The following IL21R variants were observed in gnomAD, a reference collection of about 807,000 sequenced individuals.
IL21R encodes the protein interleukin-21 receptor.
Under a neutral mutation model 41.3 loss-of-function variants are expected in IL21R, and 14 were observed. The ratio of observed to expected loss-of-function variants is 0.34; its 90% CI spans 0.22 to 0.53. IL21R has a LOEUF of 0.53. Among genes scored for constraint, IL21R ranks in the 20% least tolerant of loss-of-function variants. The pLI is 0.94. For synonymous variants in IL21R, 286 were observed against 287.6 expected (o/e 0.99, Z 0.05); for missense variants, 588 against 681.6 (o/e 0.86, Z 1.53).
chr16:27,436,073 G>T (rs1291425599), intron 3 of IL21R, among the ~76,000 whole-genome samples: 1 of 152,186 alleles, frequency 6.6e-6, no homozygotes, highest in African/African-American at 2.4e-5. Flanking sequence ...TGAAAAGTCA[G>T]GAGCCCGCAG....
chr16:27,420,820 AATAG>A lies in IL21R; in HGVS notation c.-16-9233_-16-9230del, dbSNP rs2086988273. Among the ~76,000 whole-genome samples the A allele has an allele frequency of 9.2e-5, 14 of 152,296 alleles. No individual in the cohort carries two copies. The South Asian group carries it at 2.9e-3, about 32-fold the overall frequency. On this transcript the variant is annotated intron_variant, in intron 1 of 8. Coordinates refer to ENST00000337929, the MANE Select transcript of IL21R (RefSeq NM_181078.3). The stretch of plus-strand genomic sequence containing the variant: ...AACATTTTAAATTTTGATACAGTTT[AATAG>A]ATCTATTTTTTCTTTGTTTACTTAT...
At chr16:27,438,317 T>C (rs918699383) in intron 4 of IL21R, among the ~76,000 whole-genome samples, 1 of 152,030 alleles carries the variant, frequency 6.6e-6, no homozygotes, top group African/African-American at 2.4e-5. Flanking sequence ...TTGGGTTTTT[T>C]CCCCTTCATA....
At position 27,444,612 on chromosome 16, in the gene IL21R, A is replaced by G. The variant is rs1286440819; in HGVS notation, c.578A>G (p.Asp193Gly). ...CTCCTCCCCCTGGAGTTCCGCAAAG[A>G]CTCGAGCTATGAGCTGCAGGTGCGG... ...VSLLPLEFRK[D>G]SSYELQVRAG... The change falls in exon 6 of 9, where the codon GAC becomes GGC. Residue 193 changes from aspartate to glycine, a missense_variant. Transcript: ENST00000337929. 2.3e-5 allele frequency: 36 copies of G among 1,585,800 alleles called. No individual in the cohort carries two copies. Among genetic ancestry groups the G allele is most frequent in the Non-Finnish European group, 3.1e-5 (36 of 1,166,280 alleles).
Position 27,450,529 on chromosome 16 carries a change from T to C in IL21R, c.*1246T>C, listed in dbSNP as rs893076000. 6 of 227,404 alleles carry C rather than the reference T, an allele frequency of 2.6e-5. No individual in the cohort carries two copies. The highest frequency in any genetic ancestry group is 1.1e-4 in the African/African-American group (5 of 45,022). The allele number at this position is 227,404 out of a possible 1,614,324, so 14.1% of individuals were successfully genotyped here. On this transcript the variant is annotated 3_prime_UTR_variant, in exon 9 of 9. Coordinates refer to ENST00000337929, the MANE Select transcript of IL21R (RefSeq NM_181078.3). Reference sequence around the variant, plus strand: ...GTCAATGATTTGTCAGAGAACCTGTTGAAATGTGAATTAAGAAGCTAAGAA... The same window carrying C: ...GTCAATGATTTGTCAGAGAACCTGTCGAAATGTGAATTAAGAAGCTAAGAA...
rs113148369 is a variant in IL21R, at chr16:27,448,698, C to T, written c.1032C>T (p.Asp344=). Residue 344 remains aspartate (D), a synonymous_variant, in exon 9 of 9, where the codon GAC becomes GAT. Transcript: ENST00000337929. Reference sequence around the variant, plus strand: ...AACCAGCAGAGCTGGTGGAGTCTGACGGTGTGCCCAAGCCCAGCTTCTGGC... The same window carrying T: ...AACCAGCAGAGCTGGTGGAGTCTGATGGTGTGCCCAAGCCCAGCTTCTGGC... ...LQEPAELVES[D]GVPKPSFWPT... 567 of 1,613,252 alleles carry T rather than the reference C, an allele frequency of 3.5e-4. 2 individuals carry two copies. The African/African-American group carries it at 5.5e-3, about 16-fold the overall frequency.
At chr16:27,411,903 G>A (rs2086829959) in intron 1 of IL21R, among the ~76,000 whole-genome samples, 1 of 152,122 alleles carries the variant, frequency 6.6e-6, no homozygotes, top group South Asian at 2.1e-4. Context: ...TGATTCCGTT[G>A]ATTATTTCCT....
chr16:27,410,286 C>T (rs1257394144), intron 1 of IL21R, among the ~76,000 whole-genome samples: 3 of 151,088 alleles, frequency 2.0e-5, no homozygotes, highest in East Asian at 1.9e-4. Context: ...TGAGCAGAGA[C>T]TGTGCCTCTA....
chr16:27,432,468 C>T (rs2087191413), intron 2 of IL21R, among the ~76,000 whole-genome samples: 1 of 152,206 alleles, frequency 6.6e-6, no homozygotes, highest in South Asian at 2.1e-4. Context: ...TTCCCACCCT[C>T]TCATCCCTGG....
intron 2 of IL21R, among the ~76,000 whole-genome samples, chr16:27,430,812 C>G (rs2087157650): frequency 6.6e-6 from 1 of 152,122 alleles, no homozygotes; most frequent in Non-Finnish European, 1.5e-5. Flanking sequence ...GACCCTGTCT[C>G]AAAACAACAG....
In IL21R at chr16:27,434,397, A is replaced by C; in HGVS notation, c.100A>C (p.Ile34Leu). Residue 34 changes from isoleucine (I) to leucine (L), a missense_variant, in exon 3 of 9, where the codon ATC (isoleucine) becomes CTC (leucine). Physicochemically the swap from Ile to Leu is conservative, Grantham distance 5. Coordinates refer to ENST00000337929, the MANE Select transcript of IL21R (RefSeq NM_181078.3). ...CTACACCGATTACCTCCAGACGGTCATCTGCATCCTGGAAATGTGGAACCT... is the reference window on the plus strand; with the variant it reads ...CTACACCGATTACCTCCAGACGGTCCTCTGCATCCTGGAAATGTGGAACCT... ...VCYTDYLQTV[I>L]CILEMWNLHP... 6.2e-7 allele frequency: 1 copy of C among 1,614,094 alleles called. No individual in the cohort carries two copies. Among genetic ancestry groups the C allele is most frequent in the Non-Finnish European group, 8.5e-7 (1 of 1,179,982 alleles).
At position 27,434,331 on chromosome 16, in the gene IL21R, C is replaced by T. The variant is rs369236227; in HGVS notation, c.50-16C>T. On this transcript the variant is annotated splice_polypyrimidine_tract_variant and intron_variant, in intron 2 of 8. Coordinates refer to ENST00000337929, the MANE Select transcript of IL21R (RefSeq NM_181078.3). ...GCCACCCCCCACCAAGGCCTCTCTC[C>T]CCACTGACCCTCCAGGCTGGGGCTG... is the stretch of plus-strand genomic sequence containing the variant. 86 of 1,571,292 alleles carry T rather than the reference C, an allele frequency of 5.5e-5. No individual in the cohort carries two copies. In the Middle Eastern group the frequency reaches 1.0e-3, roughly 18 times the overall value.
At chr16:27,417,163 C>CTTTTTTTTTTTTTTTTTT (rs577149386) in intron 1 of IL21R, among the ~76,000 whole-genome samples, 1 of 126,622 alleles carries the variant, frequency 7.9e-6, no homozygotes, top group Non-Finnish European at 1.6e-5. Flanking sequence ...TTTTTCTTTT[C>CTTTTTTTTTTTTTTTTTT]TTTTTTTTTT....
intron 1 of IL21R, among the ~76,000 whole-genome samples, chr16:27,426,236 C>T (rs529557055): frequency 2.0e-5 from 3 of 152,204 alleles, no homozygotes; most frequent in Non-Finnish European, 4.4e-5. Context: ...CCAGCCAGCT[C>T]CATAGTCTGT....
intron 1 of IL21R, among the ~76,000 whole-genome samples, chr16:27,416,192 C>T (rs2141265894): frequency 6.6e-6 from 1 of 152,246 alleles, no homozygotes. Flanking sequence ...CTTTCTCACC[C>T]AGGCTGGAGT....
chr16:27,442,242 A>G (rs2087400737), intron 4 of IL21R, among the ~76,000 whole-genome samples: 1 of 7,968 alleles, frequency 1.3e-4, no homozygotes, highest in East Asian at 9.6e-3. Context: ...GTGGGTGTGC[A>G]TGTGCACATG....
chr16:27,434,576 C>G (rs1320864948), intron 3 of IL21R, 127 bp downstream of exon 3: 7 of 650,172 alleles, frequency 1.1e-5, no homozygotes, highest in African/African-American at 1.8e-5. Flanking sequence ...TCAGGGCTCA[C>G]AGGACTTGAA....
At chr16:27,418,426 T>C (rs1425293950) in intron 1 of IL21R, among the ~76,000 whole-genome samples, 1 of 151,892 alleles carries the variant, frequency 6.6e-6, no homozygotes, top group Non-Finnish European at 1.5e-5. Flanking sequence ...TGGAGTGCAG[T>C]GTCGCGATCT....
In IL21R at chr16:27,450,060, C is replaced by T. The variant is rs1003458964; in HGVS notation, c.*777C>T. On this transcript the variant is annotated 3_prime_UTR_variant, in exon 9 of 9. Transcript: ENST00000337929. Reference sequence around the variant, plus strand: ...CAGCCCAGAGCAGACCCTCAATAAACGTCAGCTTCCTTCCTTCTGCGGCCA... The same window carrying T: ...CAGCCCAGAGCAGACCCTCAATAAATGTCAGCTTCCTTCCTTCTGCGGCCA... The T allele has an allele frequency of 6.9e-5, 16 of 232,546 alleles. No individual in the cohort carries two copies. The highest frequency in any genetic ancestry group is 2.9e-4 in the African/African-American group (13 of 45,298). 14.4% of individuals were successfully genotyped at this position (232,546 alleles called of 1,614,324 possible).
chr16:27,449,262 C>A lies in IL21R; in HGVS notation c.1596C>A (p.Ser532Arg). ...QWVVIPPPLS[S>R]PGPQAS Reference sequence around the variant, plus strand: ...TGGTCATTCCTCCGCCACTTTCGAGCCCTGGACCCCAGGCCAGCTAATGAG... The same window carrying A: ...TGGTCATTCCTCCGCCACTTTCGAGACCTGGACCCCAGGCCAGCTAATGAG... The change falls in exon 9 of 9, where the codon AGC becomes AGA. Residue 532 changes from serine to arginine, a missense_variant. Transcript: ENST00000337929. The A allele has an allele frequency of 6.2e-7, 1 of 1,604,432 alleles. No individual in the cohort carries two copies. The highest frequency in any genetic ancestry group is 1.1e-5 in the South Asian group (1 of 89,726).
Sources: allele counts gnomAD v4.1 joint callset (sites outside exome capture counted in the v4.1 genomes callset), GRCh38; gene constraint gnomAD v4.1.1; transcripts MANE v1.5; gene names NCBI Gene and HGNC (gene_info 2026-07-23, HGNC 2026-07-21).